MYO1D: variants seen among roughly 807,000 people sequenced by gnomAD.
MYO1D encodes unconventional myosin-Id.
A neutral mutation model predicts 122.0 loss-of-function variants in MYO1D; 83 were observed. The ratio of observed to expected loss-of-function variants is 0.68; its 90% CI spans 0.57 to 0.82. The LOEUF is 0.82. MYO1D is among the 40% of genes least tolerant of loss of function. The pLI is 0.00. For missense variants in MYO1D, 1,157 were observed against 1,269.5 expected (o/e 0.91, Z 1.35); for synonymous variants, 464 against 446.9 (o/e 1.04, Z -0.48).
chr17:32,669,222 G>A (rs1220847136), intron 16 of MYO1D, among the ~76,000 whole-genome samples: 1 of 152,124 alleles, frequency 6.6e-6, no homozygotes, highest in Non-Finnish European at 1.5e-5. Context: ...TCCCTGAAAA[G>A]GATATATTTC....
At chr17:32,829,582 T>C (rs2090753522) in intron 1 of MYO1D, among the ~76,000 whole-genome samples, 1 of 152,204 alleles carries the variant, frequency 6.6e-6, no homozygotes, top group Admixed American at 6.5e-5. Context: ...GCCTCCCAAG[T>C]AGCTGGGACT....
At position 32,739,791 on chromosome 17, in the gene MYO1D, C is replaced by A. The variant is rs2089752772; in HGVS notation, c.1614-1406G>T. ...GATCCCCAAAGCACTCAGAATATTT[C>A]TGTATGTAGGTGCTCAAAATAATAG... On this transcript the variant is annotated intron_variant, in intron 13 of 21. Coordinates refer to ENST00000318217, the MANE Select transcript of MYO1D (RefSeq NM_015194.3). 2.6e-5 allele frequency among the ~76,000 whole-genome samples: 4 copies of A among 152,120 alleles called. No individual in the cohort carries two copies. The South Asian group carries it at 8.3e-4, about 32-fold the overall frequency.
At chr17:32,699,123 C>T (rs2038453288) in intron 16 of MYO1D, among the ~76,000 whole-genome samples, 1 of 152,002 alleles carries the variant, frequency 6.6e-6, no homozygotes, top group South Asian at 2.1e-4. Context: ...TGTCATCACG[C>T]CCGGCTAATT....
At chr17:32,569,819 G>A (rs2087205957) in intron 21 of MYO1D, among the ~76,000 whole-genome samples, 2 of 152,142 alleles carry the variant, frequency 1.3e-5, no homozygotes, top group African/African-American at 2.4e-5. Context: ...ATATTAAAGA[G>A]CCAGAAAATA....
At chr17:32,659,011 A>C in intron 17 of MYO1D, 104 bp downstream of exon 17, 1 of 1,102,754 alleles carries the variant, frequency 9.1e-7, no homozygotes. Context: ...TAAATGTCAT[A>C]ACAGCAAATA....
At chr17:32,723,756 C>T (rs894962902) in intron 14 of MYO1D, among the ~76,000 whole-genome samples, 7 of 152,240 alleles carry the variant, frequency 4.6e-5, no homozygotes, top group South Asian at 4.1e-4. Context: ...TAGCCTATCT[C>T]GCCCCAGCTG....
chr17:32,504,265 C>CT (rs1250637432), intron 21 of MYO1D, among the ~76,000 whole-genome samples: 2 of 152,226 alleles, frequency 1.3e-5, no homozygotes, highest in Non-Finnish European at 2.9e-5. Flanking sequence ...CCCAACAGGA[C>CT]TGCCACCACC....
intron 14 of MYO1D, among the ~76,000 whole-genome samples, chr17:32,737,427 C>A (rs1408560556): frequency 6.7e-6 from 1 of 149,958 alleles, no homozygotes; most frequent in African/African-American, 2.5e-5. Flanking sequence ...GTGGTGTGAT[C>A]TTGGCTCACT....
At chr17:32,775,745 TGAA>T (rs1167642186) in intron 4 of MYO1D, 116 bp downstream of exon 4, 1 of 876,782 alleles carries the variant, frequency 1.1e-6, no homozygotes, top group African/African-American at 1.7e-5. Flanking sequence ...AAAAAGCTAA[TGAA>T]GAAGGGAGAA....
At chr17:32,669,127 T>C (rs1339471402) in intron 16 of MYO1D, among the ~76,000 whole-genome samples, 1 of 152,204 alleles carries the variant, frequency 6.6e-6, no homozygotes, top group Non-Finnish European at 1.5e-5. Flanking sequence ...CCCAAAATTA[T>C]GCCACTTTGG....
intron 21 of MYO1D, among the ~76,000 whole-genome samples, chr17:32,515,488 C>T (rs1909858056): frequency 6.6e-6 from 1 of 152,104 alleles, no homozygotes; most frequent in Non-Finnish European, 1.5e-5. Context: ...GACAGGGTCT[C>T]GCTTTGTTGC....
rs925933813 is a variant in MYO1D, at chr17:32,682,610, C to A, written c.2122-23272G>T. ...TCTCTTCTGGCTTGTAGGGTTTCTG[C>A]CGAGAGATCAGCTGTTAGTCTGATG... On this transcript the variant is annotated intron_variant, in intron 16 of 21. Transcript: ENST00000318217. Among the ~76,000 whole-genome samples, 168 of 147,282 alleles carry A rather than the reference C, an allele frequency of 1.1e-3. 1 individual carries two copies. Among genetic ancestry groups the A allele is most frequent in the Non-Finnish European group, 2.0e-3 (134 of 67,582 alleles).
chr17:32,591,535 T>C (rs1174755521), intron 21 of MYO1D, among the ~76,000 whole-genome samples: 1 of 152,166 alleles, frequency 6.6e-6, no homozygotes, highest in Admixed American at 6.5e-5. Context: ...CTACTCTCCA[T>C]TCCTTCTTTA....
At chr17:32,731,017 C>G (rs948177447) in intron 14 of MYO1D, among the ~76,000 whole-genome samples, 3 of 151,902 alleles carry the variant, frequency 2.0e-5, no homozygotes, top group Non-Finnish European at 1.5e-5. Flanking sequence ...AGCGATTCTC[C>G]TTCCTCAGCC....
At chr17:32,714,493 G>A (rs1221155197) in intron 15 of MYO1D, among the ~76,000 whole-genome samples, 1 of 152,074 alleles carries the variant, frequency 6.6e-6, no homozygotes, top group East Asian at 1.9e-4. Context: ...CATTTGGGTT[G>A]ATTCCATGTC....
intron 21 of MYO1D, among the ~76,000 whole-genome samples, chr17:32,508,393 G>A (rs997233201): frequency 1.3e-5 from 2 of 151,980 alleles, no homozygotes; most frequent in Non-Finnish European, 2.9e-5. Flanking sequence ...TCCTGCCTCA[G>A]ACTGCCGAGT....
At chr17:32,582,591 T>C (rs1195504345) in intron 21 of MYO1D, among the ~76,000 whole-genome samples, 2 of 152,220 alleles carry the variant, frequency 1.3e-5, no homozygotes, top group Non-Finnish European at 2.9e-5. Flanking sequence ...CTGGCAAATA[T>C]GCACTTGAAA....
At position 32,755,600 on chromosome 17, in the gene MYO1D, A is replaced by C; in HGVS notation, c.1359T>G (p.Ile453Met). 1 of 1,613,918 alleles carries C rather than the reference A, an allele frequency of 6.2e-7. No individual in the cohort carries two copies. The highest frequency in any genetic ancestry group is 8.5e-7 in the Non-Finnish European group (1 of 1,179,830). The change falls in exon 11 of 22, where the codon ATT (isoleucine) becomes ATG (methionine). Residue 453 changes from isoleucine (I) to methionine (M), a missense_variant. By Grantham distance (10) the Ile-to-Met change is conservative (BLOSUM62 1). Transcript: ENST00000318217. Reference sequence around the variant, plus strand: ...TCATGCAAGCATCATCAAGGATTGCAATGATCCCTTTGTGCTGTTGCTCCA... The same window carrying C: ...TCATGCAAGCATCATCAAGGATTGCCATGATCCCTTTGTGCTGTTGCTCCA... ...DLVEQQHKGI[I>M]AILDDACMNV...
intron 1 of MYO1D, among the ~76,000 whole-genome samples, chr17:32,801,818 G>A (rs2151043621): frequency 6.6e-6 from 1 of 152,220 alleles, no homozygotes; most frequent in Admixed American, 6.5e-5. Flanking sequence ...CTATACTAAA[G>A]GAAACGGCTG....
Sources: allele counts gnomAD v4.1 joint callset (sites outside exome capture counted in the v4.1 genomes callset), GRCh38; gene constraint gnomAD v4.1.1; transcripts MANE v1.5; gene names NCBI Gene and HGNC (gene_info 2026-07-23, HGNC 2026-07-21).